FAT3: variants seen among roughly 807,000 people sequenced by gnomAD.
FAT3 encodes the protein protocadherin Fat 3.
FAT3 carries 95 observed loss-of-function variants against 310.2 expected under a neutral mutation model. That is an observed-to-expected ratio of 0.31 (90% CI 0.26 to 0.36). The LOEUF is 0.36. Among genes scored for constraint, FAT3 ranks in the 10% least tolerant of loss-of-function variants. The pLI, the probability that FAT3 is intolerant of heterozygous loss-of-function variation, is 1.00. For missense variants in FAT3, 5,408 were observed against 5,715.6 expected, an observed-to-expected ratio of 0.95 and a Z score of 1.74; for synonymous variants, 2,314 against 2,192.9, an observed-to-expected ratio of 1.06 and a Z score of -1.54.
At chr11:92,781,901 C>T (rs1371707611) in intron 7 of FAT3, among the ~76,000 whole-genome samples, 1 of 152,158 alleles carries the variant, frequency 6.6e-6, no homozygotes, top group Non-Finnish European at 1.5e-5. Context: ...TTATGAAAGA[C>T]AGCAGAGACA....
At chr11:92,679,001 T>G (rs1943381593) in intron 3 of FAT3, among the ~76,000 whole-genome samples, 1 of 152,152 alleles carries the variant, frequency 6.6e-6, no homozygotes, top group Admixed American at 6.5e-5. Flanking sequence ...ACTCTCTACA[T>G]CCATGTGTAC....
intron 2 of FAT3, among the ~76,000 whole-genome samples, chr11:92,436,182 T>C (rs1950934993): frequency 1.3e-5 from 2 of 152,180 alleles, no homozygotes; most frequent in South Asian, 4.1e-4. Context: ...GTAGTGGCTC[T>C]GCTGGATCTG....
intron 3 of FAT3, among the ~76,000 whole-genome samples, chr11:92,647,472 A>G (rs1445203168): frequency 1.3e-5 from 2 of 152,180 alleles, no homozygotes; most frequent in Admixed American, 6.5e-5. Flanking sequence ...AAAACTCTAC[A>G]TCAATATTAC....
intron 3 of FAT3, among the ~76,000 whole-genome samples, chr11:92,544,987 C>T (rs2135421243): frequency 6.6e-6 from 1 of 152,292 alleles, no homozygotes; most frequent in East Asian, 1.9e-4. Context: ...TGGTGTCTGT[C>T]AAAGCCTCTA....
chr11:92,646,324 G>T (rs796654431), intron 3 of FAT3, among the ~76,000 whole-genome samples: 9 of 152,248 alleles, frequency 5.9e-5, no homozygotes, highest in African/African-American at 2.2e-4. Flanking sequence ...TCTACAACAT[G>T]GCACATCAGG....
At position 92,524,734 on chromosome 11, in the gene FAT3, C is replaced by G. The variant is rs1466383514; in HGVS notation, c.3393C>G (p.Thr1131=). Residue 1131 remains threonine (T), a synonymous_variant, in exon 3 of 28, where the codon ACC becomes ACG. Coordinates refer to ENST00000525166, the MANE Select transcript of FAT3 (RefSeq NM_001367949.2). ...TDRGVVPLYS[T]IEVYIEVEDV... ...GGGGCGTTGTTCCACTCTACTCCAC[C>G]ATTGAGGTCTACATTGAAGTTGAAG... 6.2e-7 allele frequency: 1 copy of G among 1,613,798 alleles called. No individual in the cohort carries two copies. The highest frequency in any genetic ancestry group is 8.5e-7 in the Non-Finnish European group (1 of 1,179,826).
intron 2 of FAT3, among the ~76,000 whole-genome samples, chr11:92,491,137 T>G (rs1438404593): frequency 6.6e-6 from 1 of 152,036 alleles, no homozygotes; most frequent in Non-Finnish European, 1.5e-5. Context: ...CTTTAATGAT[T>G]GATTCCTCTA....
At position 92,296,595 on chromosome 11, in the gene FAT3, C is replaced by T. The variant is rs375816181; in HGVS notation, c.-17-55501C>T. On this transcript the variant is annotated intron_variant, in intron 1 of 27. Transcript: ENST00000525166. ...GTGGCCACGTGCATGTCAAGTTCAA[C>T]TTGTTATGGCCTGTCTGTTTCATGG... Among the ~76,000 whole-genome samples the T allele has an allele frequency of 1.1e-4, 17 of 152,110 alleles. No homozygotes were observed. The East Asian group carries it at 2.9e-3, about 26-fold the overall frequency.
intron 3 of FAT3, among the ~76,000 whole-genome samples, chr11:92,649,005 C>T (rs1942271611): frequency 6.6e-6 from 1 of 152,162 alleles, no homozygotes. Flanking sequence ...CTGAGTCCCA[C>T]CTGCTCCATT....
chr11:92,458,803 G>A (rs1951566059), intron 2 of FAT3, among the ~76,000 whole-genome samples: 2 of 152,284 alleles, frequency 1.3e-5, no homozygotes, highest in South Asian at 2.1e-4. Flanking sequence ...GTGAGGCAGG[G>A]ATGGGACCAG....
At chr11:92,489,515 ATAGT>A (rs1303403491) in intron 2 of FAT3, among the ~76,000 whole-genome samples, 1 of 151,988 alleles carries the variant, frequency 6.6e-6, no homozygotes, top group Non-Finnish European at 1.5e-5. Flanking sequence ...CCTCTATACG[ATAGT>A]TTGTTTTTGC....
At position 92,387,063 on chromosome 11, in the gene FAT3, AGTGTGTGTGTGTGTGTGTGTGT is replaced by A. The variant is rs67529435; in HGVS notation, c.3292+31686_3292+31707del. On this transcript the variant is annotated intron_variant, in intron 2 of 27. Transcript: ENST00000525166. ...GCAATGCCCAAGGATTATGGGAGCT[AGTGTGTGTGTGTGTGTGTGTGT>A]GTGTGTGTGTGTGTGTGTGTGTGTG... Among the ~76,000 whole-genome samples, 33 of 144,204 alleles carry A rather than the reference AGTGTGTGTGTGTGTGTGTGTGT, an allele frequency of 2.3e-4. 1 individual carries two copies. Among genetic ancestry groups the A allele is most frequent in the Non-Finnish European group, 3.8e-4 (25 of 66,486 alleles). 94.6% of individuals were successfully genotyped at this position (144,204 alleles called of 152,430 possible).
In FAT3 at chr11:92,850,855, C is replaced by T. The variant is rs1402306588; in HGVS notation, c.11365+6123C>T. Among the ~76,000 whole-genome samples, 4 of 152,136 alleles carry T rather than the reference C, an allele frequency of 2.6e-5. No individual in the cohort carries two copies. The East Asian group carries it at 7.7e-4, about 29-fold the overall frequency. ...ATGGTAGCGAAACCTTATAAAACTT[C>T]CAGAGGATCACCCTTCTCCTCCCTG... On this transcript the variant is annotated intron_variant, in intron 19 of 27. Coordinates refer to ENST00000525166, the MANE Select transcript of FAT3 (RefSeq NM_001367949.2).
intron 13 of FAT3, among the ~76,000 whole-genome samples, chr11:92,824,122 T>C (rs4237553): frequency 0.86 from 131,056 of 152,064 alleles, 56,583 homozygotes; most frequent in East Asian, 0.94. Context: ...TTTGGGAGGC[T>C]GAGGTGGGTG....
intron 19 of FAT3, among the ~76,000 whole-genome samples, chr11:92,852,225 A>G (rs1331183775): frequency 6.6e-6 from 1 of 152,170 alleles, no homozygotes; most frequent in Admixed American, 6.5e-5. Flanking sequence ...AATAGTTCAT[A>G]GAGAGGAAAG....
chr11:92,618,239 A>G lies in FAT3; in HGVS notation c.3608-79145A>G, dbSNP rs143837265. Among the ~76,000 whole-genome samples the G allele has an allele frequency of 0.013, 2,018 of 152,274 alleles. 126 individuals carry two copies. The East Asian group carries it at 0.2, about 15-fold the overall frequency. On this transcript the variant is annotated intron_variant, in intron 3 of 27. Transcript: ENST00000525166. ...CAGTTTGATCTCAGACTGCTGTGCT[A>G]GCGGTGAGCGAGGCGCCATGGGTGT... is the stretch of plus-strand genomic sequence containing the variant.
chr11:92,831,738 T>C lies in FAT3; in HGVS notation c.9598T>C (p.Ser3200Pro). The C allele has an allele frequency of 6.2e-7, 1 of 1,613,572 alleles. No individual in the cohort carries two copies. Among genetic ancestry groups the C allele is most frequent in the Non-Finnish European group, 8.5e-7 (1 of 1,179,772 alleles). Residue 3200 changes from serine to proline, a missense_variant, in exon 14 of 28, where the codon TCG (serine) becomes CCG (proline). This residue lies in a region of FAT3 where 4,588 missense variants were observed against 4,809.8 expected (regional missense o/e 0.95). Transcript: ENST00000525166. ...GCCACTGGACCGTGAGCAGCAGTCT[T>C]CGTACAACATCAGCGTGCGGGCCAC... ...EQPLDREQQS[S>P]YNISVRATDQ...
intron 7 of FAT3, among the ~76,000 whole-genome samples, chr11:92,779,969 G>A (rs377737484): frequency 6.6e-6 from 1 of 152,184 alleles, no homozygotes; most frequent in South Asian, 2.1e-4. Flanking sequence ...AGGGAAACCA[G>A]GGGCCTCCGT....
At chr11:92,693,522 G>C (rs1943853831) in intron 3 of FAT3, among the ~76,000 whole-genome samples, 1 of 152,132 alleles carries the variant, frequency 6.6e-6, no homozygotes, top group African/African-American at 2.4e-5. Flanking sequence ...TTCTCTATTT[G>C]TTCCAAATGC....
Sources: gnomAD v4.1 joint callset for allele counts (sites outside exome capture counted in the v4.1 genomes callset) on GRCh38, gnomAD v4.1.1 for gene constraint, gnomAD v4.1.1 regional missense constraint, MANE v1.5 for transcripts, NCBI Gene and HGNC (gene_info 2026-07-23, HGNC 2026-07-21) for gene names.